ZNFX1: variants seen among roughly 807,000 people sequenced by gnomAD.
ZNFX1 encodes the protein zinc finger NFX1-type containing 1, also known as NFX1-type zinc finger-containing protein 1.
In ZNFX1, 78 loss-of-function variants were observed where a neutral mutation model predicts 179.8. The ratio of observed to expected loss-of-function variants is 0.43; its 90% confidence interval spans 0.36 to 0.52. ZNFX1 has a LOEUF of 0.52. ZNFX1 is among the 20% of genes least tolerant of loss of function. The pLI is 0.00. For synonymous variants in ZNFX1, 848 were observed against 868.5 expected (o/e 0.98, Z 0.42); for missense variants, 1,927 against 2,386.6 (o/e 0.81, Z 4.01).
chr20:49,267,975 G>A (rs762793272), intron 3 of ZNFX1, among the ~76,000 whole-genome samples: 11 of 151,716 alleles, frequency 7.3e-5, no homozygotes, highest in Non-Finnish European at 1.5e-4. Context: ...CTGGGTTCAC[G>A]CCATTCTCCT....
At chr20:49,250,730 T>G (rs1980814548) in intron 13 of ZNFX1, among the ~76,000 whole-genome samples, 1 of 152,086 alleles carries the variant, frequency 6.6e-6, no homozygotes, top group Non-Finnish European at 1.5e-5. Flanking sequence ...TTTTGTATTT[T>G]TAGTAGAGAC....
Position 49,257,574 on chromosome 20 carries a change from C to T in ZNFX1, c.2507G>A (p.Arg836Gln), listed in dbSNP as rs1448717483. 3.1e-6 allele frequency: 5 copies of T among 1,613,916 alleles called. No homozygotes were observed. Among genetic ancestry groups the T allele is most frequent in the African/African-American group, 1.3e-5 (1 of 74,872 alleles). Residue 836 changes from arginine (R) to glutamine (Q), a missense_variant, in exon 8 of 14, where the codon CGG becomes CAG. Arg to Gln is a conservative substitution (Grantham distance 43). Transcript: ENST00000396105. ...CACCACCTCTTCCTCCTCAATCACC[C>T]GGTCTGCTTGAATCAGGTCAGCTTC... Reference protein sequence around the residue: ...AEEADLIQADRVIEEEEVVRP... With the variant: ...AEEADLIQADQVIEEEEVVRP...
At chr20:49,252,146 CTT>C (rs201035414) in intron 12 of ZNFX1, among the ~76,000 whole-genome samples, 6 of 131,788 alleles carry the variant, frequency 4.6e-5, no homozygotes, top group Non-Finnish European at 6.4e-5. Flanking sequence ...TTTTTCTTTT[CTT>C]TTTTTTTTTT....
rs1980896144 is a variant in ZNFX1, at chr20:49,253,591, A to C, written c.3105+75T>G. The C allele has an allele frequency of 7.0e-6, 11 of 1,574,314 alleles. No homozygotes were observed. The East Asian group carries it at 2.5e-4, about 35-fold the overall frequency. On this transcript the variant is annotated intron_variant, in intron 11 of 13. Transcript: ENST00000396105. Reference sequence around the variant, plus strand: ...TAATAAGCTTGAGGACTGTTGAAGCAGAGGCCAGGGTCTTCCTTTATGATC... The same window carrying C: ...TAATAAGCTTGAGGACTGTTGAAGCCGAGGCCAGGGTCTTCCTTTATGATC...
At chr20:49,258,587 C>A (rs755410306) in intron 7 of ZNFX1, among the ~76,000 whole-genome samples, 1 of 152,030 alleles carries the variant, frequency 6.6e-6, no homozygotes, top group Non-Finnish European at 1.5e-5. Context: ...GGGTGGATCA[C>A]CTGACGTCAG....
rs1476648577 is a variant in ZNFX1, at chr20:49,270,843, C to T, written c.969G>A (p.Gln323=). ...TCTCAACATGGTCTTCTGCCTCAGG[C>T]TGCACTAGAGTGTAGGTATCCACTC... The part of the protein sequence containing the change: ...TLRVDTYTLV[Q]PEAEDHVESY... The change falls in exon 3 of 14, where the codon CAG becomes CAA. Residue 323 remains glutamine (Q), a synonymous_variant. Coordinates refer to ENST00000396105, the MANE Select transcript of ZNFX1 (RefSeq NM_021035.3). This position sits in a 1 kb window ranked among gnomAD's most constrained non-coding sequence, Gnocchi z 4.6. 1 of 1,614,068 alleles carries T rather than the reference C, an allele frequency of 6.2e-7. No homozygotes were observed. The highest frequency in any genetic ancestry group is 2.2e-5 in the East Asian group (1 of 44,898).
chr20:49,257,619 G>A lies in ZNFX1; in HGVS notation c.2462C>T (p.Ser821Leu), dbSNP rs758069491. The change falls in exon 8 of 14, where the codon TCG (serine) becomes TTG (leucine). Residue 821 changes from serine to leucine, a missense_variant. Ser to Leu is a moderately radical substitution (Grantham distance 145, BLOSUM62 -2). Coordinates refer to ENST00000396105, the MANE Select transcript of ZNFX1 (RefSeq NM_021035.3). ...AGCTTCCTCTGCGATCTCTATCAGC[G>A]AACTCTCCTCCTCCCCTTCTTCCTC... ...DEEEEGEEES[S>L]LIEIAEEADL... 4 of 1,613,590 alleles carry A rather than the reference G, an allele frequency of 2.5e-6. No homozygotes were observed. The highest frequency in any genetic ancestry group is 1.1e-5 in the South Asian group (1 of 91,050).
chr20:49,252,733 C>G lies in ZNFX1; in HGVS notation c.3203G>C (p.Arg1068Pro). ...RLVKVNIPFV[R>P]LNYQHRMCPE... Reference sequence around the variant, plus strand: ...CCAGCTTCTCACCTGGTAATTCAGACGGACAAAGGGAATGTTTACTTTCAC... The same window carrying G: ...CCAGCTTCTCACCTGGTAATTCAGAGGGACAAAGGGAATGTTTACTTTCAC... The change falls in exon 12 of 14, where the codon CGT becomes CCT. Residue 1068 changes from arginine to proline, a missense_variant. Transcript: ENST00000396105. 6.2e-7 allele frequency: 1 copy of G among 1,613,754 alleles called. No homozygotes were observed. Among genetic ancestry groups the G allele is most frequent in the Non-Finnish European group, 8.5e-7 (1 of 1,179,766 alleles).
rs569833460 is a variant in ZNFX1, at chr20:49,276,633, C to T, written c.-48-746G>A. ...AGGAAGCCCCTTTAAGGGAGCTTCTCAACCCAACTCATACACATGGTGTGG... is the reference window on the plus strand; with the variant it reads ...AGGAAGCCCCTTTAAGGGAGCTTCTTAACCCAACTCATACACATGGTGTGG... On this transcript the variant is annotated intron_variant, in intron 1 of 13. Coordinates refer to ENST00000396105, the MANE Select transcript of ZNFX1 (RefSeq NM_021035.3). Among the ~76,000 whole-genome samples, 22 of 152,344 alleles carry T rather than the reference C, an allele frequency of 1.4e-4. No homozygotes were observed. The South Asian group carries it at 4.6e-3, about 32-fold the overall frequency.
rs1981350902 is a variant in ZNFX1, at chr20:49,270,349, T to C, written c.1463A>G (p.Glu488Gly). The C allele has an allele frequency of 1.2e-6, 2 of 1,614,044 alleles. No homozygotes were observed. Among genetic ancestry groups the C allele is most frequent in the Admixed American group, 1.7e-5 (1 of 60,010 alleles). The change falls in exon 3 of 14, where the codon GAG becomes GGG. Residue 488 changes from glutamate to glycine, a missense_variant. By Grantham distance (98) the Glu-to-Gly change is moderately conservative. Transcript: ENST00000396105. The surrounding 1 kb of genome is among the most constrained non-coding windows in gnomAD (Gnocchi z 4.6). ...CTCTGCTAGCAGCTGTTGGCTTTGC[T>C]CATTGAAGCAGAGCTGGACAATTCC... ...CRGIVQLCFN[E>G]QSQQLLAEVQ...
At position 49,247,855 on chromosome 20, in the gene ZNFX1, A is replaced by G. The variant is rs748560798; in HGVS notation, c.5169T>C (p.His1723=). 1.2e-6 allele frequency: 2 copies of G among 1,614,126 alleles called. No individual in the cohort carries two copies. Among genetic ancestry groups the G allele is most frequent in the Non-Finnish European group, 1.7e-6 (2 of 1,180,006 alleles). Residue 1723 remains histidine, a synonymous_variant, in exon 14 of 14, where the codon CAT becomes CAC. Transcript: ENST00000396105. ...TCCTCACTCTTTTCTCTTCTAAGAC[A>G]TGCATCTTTTTCAGGGAATCCCACA... The part of the protein sequence containing the change: ...ASLWDSLKKM[H]VLEEKRVRTR...
chr20:49,253,665 C>T lies in ZNFX1; in HGVS notation c.3105+1G>A. 1 of 1,614,010 alleles carries T rather than the reference C, an allele frequency of 6.2e-7. No homozygotes were observed. Among genetic ancestry groups the T allele is most frequent in the Non-Finnish European group, 8.5e-7 (1 of 1,180,016 alleles). ...ATCTTCTAGGGGGACTCTCGTTTTA[C>T]CTGCTGGTGGTCCCCAATCAAAATG... On this transcript the variant is annotated splice_donor_variant, in intron 11 of 13. Coordinates refer to ENST00000396105, the MANE Select transcript of ZNFX1 (RefSeq NM_021035.3). LOFTEE classifies it high-confidence loss of function.
rs143047791 is a variant in ZNFX1 at position 49,264,785 on chromosome 20, T to C, written c.2082A>G (p.Leu694=). 7.5e-5 allele frequency: 121 copies of C among 1,614,050 alleles called. 1 individual carries two copies. The highest frequency in any genetic ancestry group is 1.0e-4 in the Non-Finnish European group (118 of 1,180,028). Residue 694 remains leucine (L), a synonymous_variant, in exon 5 of 14, where the codon CTA becomes CTG. Coordinates refer to ENST00000396105, the MANE Select transcript of ZNFX1 (RefSeq NM_021035.3). Reference sequence around the variant, plus strand: ...ATTCCCGCTTGTTCCTCAGCTCCCTTAGGGTGAACTGCTTCAGGATTTCAC... The same window carrying C: ...ATTCCCGCTTGTTCCTCAGCTCCCTCAGGGTGAACTGCTTCAGGATTTCAC... ...SNSEILKQFT[L]RELRNKREFR... is the part of the protein sequence containing the mutation.
At chr20:49,256,900 G>C (rs563960849) in intron 8 of ZNFX1, among the ~76,000 whole-genome samples, 4 of 152,274 alleles carry the variant, frequency 2.6e-5, no homozygotes, top group South Asian at 2.1e-4. Context: ...GGACTACTAG[G>C]CTCCACCAAA....
chr20:49,271,531 T>A lies in ZNFX1; in HGVS notation c.281A>T (p.Asp94Val). The A allele has an allele frequency of 6.2e-7, 1 of 1,614,168 alleles. No homozygotes were observed. The highest frequency in any genetic ancestry group is 8.5e-7 in the Non-Finnish European group (1 of 1,180,022). ...QEGHASDEARDQRHDQENDTR... is the reference protein window; with the variant it reads ...QEGHASDEARVQRHDQENDTR... ...GTCATTCTCCTGGTCATGTCTTTGG[T>A]CTCTAGCTTCGTCGCTGGCATGCCC... Residue 94 changes from aspartate (D) to valine (V), a missense_variant, in exon 3 of 14, where the codon GAC becomes GTC. Asp to Val is a radical substitution (Grantham distance 152). Transcript: ENST00000396105.
intron 5 of ZNFX1, 98 bp from the exon 6 acceptor site, chr20:49,263,581 A>G: frequency 7.2e-7 from 1 of 1,382,216 alleles, no homozygotes; most frequent in Non-Finnish European, 9.9e-7. Flanking sequence ...CAGGAACAGT[A>G]AGGAGGGAGA....
rs769197106 is a variant in ZNFX1 at position 49,248,664 on chromosome 20, C to T, written c.4360G>A (p.Glu1454Lys). The change falls in exon 14 of 14, where the codon GAA (glutamate) becomes AAA (lysine). Residue 1454 changes from glutamate to lysine, a missense_variant. Glu to Lys is a moderately conservative substitution (Grantham distance 56, BLOSUM62 1). Coordinates refer to ENST00000396105, the MANE Select transcript of ZNFX1 (RefSeq NM_021035.3). This position sits in a 1 kb window ranked among gnomAD's most constrained non-coding sequence, Gnocchi z 4.6. ...TGACAGCGTTCATGGAAACGCCCTT[C>T]GAAGCAGCTGTGGCAGGAGCCTGGG... is the stretch of plus-strand genomic sequence containing the variant. ...PCPGSCHSCFEGRFHERCQQP... is the reference protein window; with the variant it reads ...PCPGSCHSCFKGRFHERCQQP... The T allele has an allele frequency of 3.7e-6, 6 of 1,613,468 alleles. No individual in the cohort carries two copies. Among genetic ancestry groups the T allele is most frequent in the Non-Finnish European group, 4.2e-6 (5 of 1,180,036 alleles).
chr20:49,255,918 T>C lies in ZNFX1; in HGVS notation c.2694A>G (p.Lys898=). 2 of 1,614,194 alleles carry C rather than the reference T, an allele frequency of 1.2e-6. No homozygotes were observed. The highest frequency in any genetic ancestry group is 2.7e-5 in the African/African-American group (2 of 75,028). ...TGCGAAGCTCATCCTTCACTCTTTT[T>C]TTCATTTTCTTTTTCTGGTTGCGCT... The part of the protein sequence containing the change: ...QTQRNQKKKM[K]KRVKDELRKL... The change falls in exon 9 of 14, where the codon AAA becomes AAG. Residue 898 remains lysine (K), a synonymous_variant. Transcript: ENST00000396105.
intron 11 of ZNFX1, 56 bp from the exon 12 acceptor site, chr20:49,252,886 A>G: frequency 7.3e-7 from 1 of 1,362,776 alleles, no homozygotes; most frequent in Non-Finnish European, 1.0e-6. Context: ...TTAACCATCC[A>G]TACTTCCATC....
Sources: gnomAD v4.1 joint callset for allele counts (sites outside exome capture counted in the v4.1 genomes callset) on GRCh38, gnomAD v4.1.1 for gene constraint, Gnocchi (gnomAD v3.1) non-coding constraint, MANE v1.5 for transcripts, NCBI Gene and HGNC (gene_info 2026-07-23, HGNC 2026-07-21) for gene names.